VAV2: variants seen among roughly 807,000 people sequenced by gnomAD.
The protein encoded by VAV2 is vav guanine nucleotide exchange factor 2, also known as guanine nucleotide exchange factor VAV2.
A neutral mutation model predicts 132.5 loss-of-function variants in VAV2; 67 were observed. That is an observed-to-expected ratio of 0.51 (90% confidence interval 0.42 to 0.62). VAV2 has a LOEUF of 0.62. Ranked by LOEUF, VAV2 falls within the 20% of genes least tolerant of loss-of-function variation. VAV2 has a pLI of 0.00. For synonymous variants in VAV2, 492 were observed against 443.5 expected (o/e 1.11, Z -1.37); for missense variants, 938 against 1,153.6 (o/e 0.81, Z 2.71).
At chr9:133,871,495 T>C (rs1188275241) in intron 2 of VAV2, among the ~76,000 whole-genome samples, 1 of 144,104 alleles carries the variant, frequency 6.9e-6, no homozygotes, top group Non-Finnish European at 1.5e-5. Context: ...GATGGATGGA[T>C]GGATGGATGG....
chr9:133,781,050 C>G lies in VAV2; in HGVS notation c.1724-340G>C, dbSNP rs112720915. ...AGCTGCCTGGATCATGGGGTGGTAC[C>G]TGGCACTCAAAGGGGAGATTTCCAC... On this transcript the variant is annotated intron_variant, in intron 19 of 29. Transcript: ENST00000371850. 4.4e-3 allele frequency among the ~76,000 whole-genome samples: 663 copies of G among 152,338 alleles called. 4 individuals are homozygous for G. The highest frequency in any genetic ancestry group is 0.015 in the African/African-American group (626 of 41,566).
chr9:133,917,437 CTTTCT>C (rs1564464278), intron 2 of VAV2, among the ~76,000 whole-genome samples: 3 of 49,012 alleles, frequency 6.1e-5, no homozygotes, highest in Non-Finnish European at 3.5e-5. Context: ...ACAGAAAACT[CTTTCT>C]TTTTTTTTTT....
intron 1 of VAV2, among the ~76,000 whole-genome samples, chr9:133,951,443 C>T (rs1841556918): frequency 6.6e-6 from 1 of 152,184 alleles, no homozygotes; most frequent in South Asian, 2.1e-4. Flanking sequence ...CTGCAGGTGC[C>T]TACAAAGCCC....
Position 133,827,418 on chromosome 9 carries a change from T to C in VAV2, c.449+6854A>G, listed in dbSNP as rs377739626. Among the ~76,000 whole-genome samples, 68 of 26,048 alleles carry C rather than the reference T, an allele frequency of 2.6e-3. 11 individuals carry two copies. The highest frequency in any genetic ancestry group is 1.0e-2 in the African/African-American group (17 of 1,708). 17.1% of individuals were successfully genotyped at this position (26,048 alleles called of 152,430 possible). ...GCACGGGCATCGCCAGCTACTGCTG[T>C]GCCCACTGAGGCTGACCACTGAGTG... On this transcript the variant is annotated intron_variant, in intron 4 of 29. Transcript: ENST00000371850.
intron 2 of VAV2, among the ~76,000 whole-genome samples, chr9:133,887,999 G>A (rs530909029): frequency 5.3e-5 from 8 of 152,324 alleles, no homozygotes; most frequent in East Asian, 1.9e-4. Flanking sequence ...TCCCAAGCCC[G>A]AGCTTAGGCT....
At chr9:133,812,318 C>T in intron 4 of VAV2, 102 bp from the exon 5 acceptor site, 3 of 1,160,898 alleles carry the variant, frequency 2.6e-6, no homozygotes, top group Non-Finnish European at 3.8e-6. Context: ...GCGGCTGGGG[C>T]CACAGCGAGG....
chr9:133,977,360 C>T (rs1163520425), intron 1 of VAV2, among the ~76,000 whole-genome samples: 1 of 152,182 alleles, frequency 6.6e-6, no homozygotes, highest in African/African-American at 2.4e-5. Context: ...GAGCTGGGGC[C>T]TAGGGGAGGG....
At chr9:133,806,053 G>T (rs1383747006) in intron 9 of VAV2, 28 bp downstream of exon 9, 32 of 1,597,550 alleles carry the variant, frequency 2.0e-5, no homozygotes, top group Non-Finnish European at 2.7e-5. Context: ...GAGGGGCCAA[G>T]GAGCCCCAGG....
intron 1 of VAV2, among the ~76,000 whole-genome samples, chr9:133,962,632 A>C (rs1278321076): frequency 6.6e-6 from 1 of 152,096 alleles, no homozygotes; most frequent in Non-Finnish European, 1.5e-5. Context: ...CCCACCCCCC[A>C]CAAAGCTCCC....
intron 3 of VAV2, among the ~76,000 whole-genome samples, chr9:133,844,375 T>C (rs1836847437): frequency 6.6e-6 from 1 of 152,162 alleles, no homozygotes; most frequent in Non-Finnish European, 1.5e-5. Flanking sequence ...GCCAGCCCTC[T>C]TCCCAGGGAA....
chr9:133,961,750 G>A lies in VAV2; in HGVS notation c.205-22531C>T, dbSNP rs192386279. ...CAGAAAAGACACAGGACACAACCACGGCCCAGTGGCTCAGGGAGAAGACCC... is the reference window on the plus strand; with the variant it reads ...CAGAAAAGACACAGGACACAACCACAGCCCAGTGGCTCAGGGAGAAGACCC... On this transcript the variant is annotated intron_variant, in intron 1 of 29. Coordinates refer to ENST00000371850, the MANE Select transcript of VAV2 (RefSeq NM_001134398.2). The surrounding 1 kb of genome is among the most constrained non-coding windows in gnomAD (Gnocchi z 4.1). 3.8e-4 allele frequency among the ~76,000 whole-genome samples: 58 copies of A among 152,278 alleles called. 2 individuals are homozygous for A. The East Asian group carries it at 0.01, about 26-fold the overall frequency.
At chr9:133,910,227 T>G (rs1839829522) in intron 2 of VAV2, among the ~76,000 whole-genome samples, 1 of 151,988 alleles carries the variant, frequency 6.6e-6, no homozygotes, top group Non-Finnish European at 1.5e-5. Flanking sequence ...TGCACCTGGG[T>G]CCCTGAGACT....
At chr9:133,861,246 G>T in intron 3 of VAV2, 128 bp downstream of exon 3, 2 of 957,680 alleles carry the variant, frequency 2.1e-6, no homozygotes, top group Non-Finnish European at 1.4e-6. Flanking sequence ...GCGACAACAC[G>T]CTGCAAATGC....
chr9:133,793,472 C>T (rs1313906958), intron 12 of VAV2, among the ~76,000 whole-genome samples: 1 of 152,144 alleles, frequency 6.6e-6, no homozygotes, highest in Non-Finnish European at 1.5e-5. Flanking sequence ...AGGGGTGTTC[C>T]GTTTTCTTGT....
In VAV2 at chr9:133,883,949, T is replaced by C. The variant is rs1169451499; in HGVS notation, c.322-22517A>G. The stretch of plus-strand genomic sequence containing the variant: ...AGGAGATCAAGACCATCTTGATCAA[T>C]ATGGTGAAACCCCGTCTCTACTAAA... On this transcript the variant is annotated intron_variant, in intron 2 of 29. Transcript: ENST00000371850. The surrounding 1 kb of genome is among the most constrained non-coding windows in gnomAD (Gnocchi z 4.2). 6.6e-6 allele frequency among the ~76,000 whole-genome samples: 1 copy of C among 151,966 alleles called. No individual in the cohort carries two copies. Among genetic ancestry groups the C allele is most frequent in the African/African-American group, 2.4e-5 (1 of 41,360 alleles).
intron 1 of VAV2, among the ~76,000 whole-genome samples, chr9:133,981,308 C>G (rs987371293): frequency 5.9e-5 from 9 of 152,254 alleles, no homozygotes; most frequent in African/African-American, 2.2e-4. Flanking sequence ...ACCACACCCC[C>G]CACTATACCC....
At chr9:133,898,909 C>T (rs1366259870) in intron 2 of VAV2, among the ~76,000 whole-genome samples, 1 of 147,950 alleles carries the variant, frequency 6.8e-6, no homozygotes, top group Non-Finnish European at 1.5e-5. Context: ...GCAAGCTCCG[C>T]CTCCAGGGTT....
chr9:133,836,176 G>A (rs1836465019), intron 3 of VAV2, among the ~76,000 whole-genome samples: 1 of 152,348 alleles, frequency 6.6e-6, no homozygotes, highest in South Asian at 2.1e-4. Flanking sequence ...CAGGTGATGG[G>A]GGTGGGGCTG....
intron 2 of VAV2, among the ~76,000 whole-genome samples, chr9:133,862,772 G>A (rs772762159): frequency 7.2e-5 from 11 of 152,330 alleles, no homozygotes; most frequent in Non-Finnish European, 1.0e-4. Flanking sequence ...CAGGAAAACC[G>A]AGGATCGGTC....
Sources: allele counts gnomAD v4.1 joint callset (sites outside exome capture counted in the v4.1 genomes callset), GRCh38; gene constraint gnomAD v4.1.1; non-coding constraint Gnocchi (gnomAD v3.1); transcripts MANE v1.5; gene names NCBI Gene and HGNC (gene_info 2026-07-23, HGNC 2026-07-21).